TENM2: variants seen among roughly 807,000 people sequenced by gnomAD.
The protein encoded by TENM2 is teneurin-2.
A neutral mutation model predicts 245.2 loss-of-function variants in TENM2; 52 were observed. That is an observed-to-expected ratio of 0.21 (90% CI 0.17 to 0.27). The LOEUF is 0.27. Ranked by LOEUF, TENM2 falls within the 10% of genes least tolerant of loss-of-function variation. The pLI is 1.00. For synonymous variants in TENM2, 1,363 were observed against 1,438.9 expected (o/e 0.95, Z 1.19); for missense variants, 3,046 against 3,666.8 (o/e 0.83, Z 4.37).
At chr5:167,541,490 T>C (rs1198058487) in intron 2 of TENM2, among the ~76,000 whole-genome samples, 1 of 152,158 alleles carries the variant, frequency 6.6e-6, no homozygotes, top group East Asian at 1.9e-4. Context: ...TTCTACAAGC[T>C]GAAAAATCTC....
chr5:168,152,892 G>C (rs751620976), intron 12 of TENM2, among the ~76,000 whole-genome samples: 28 of 152,128 alleles, frequency 1.8e-4, no homozygotes, highest in Non-Finnish European at 3.4e-4. Context: ...GGTTTTGAAC[G>C]CTGGGCTGCA....
At chr5:167,093,547 C>T in the TENM2 span, among the ~76,000 whole-genome samples, 1 of 152,142 alleles carries the variant, frequency 6.6e-6, no homozygotes, top group Non-Finnish European at 1.5e-5. Context: ...TTGGGCTAGT[C>T]GCGACAGCAT....
intron 2 of TENM2, among the ~76,000 whole-genome samples, chr5:167,415,908 G>A (rs1363234219): frequency 6.6e-6 from 1 of 152,098 alleles, no homozygotes; most frequent in African/African-American, 2.4e-5. Context: ...GGCTGGATCA[G>A]TACAGTGAGA....
intron 2 of TENM2, among the ~76,000 whole-genome samples, chr5:167,705,660 T>G (rs889427717): frequency 6.6e-6 from 1 of 152,146 alleles, no homozygotes; most frequent in Non-Finnish European, 1.5e-5. Context: ...GTGCTCCCTC[T>G]GCTCCAAACT....
At chr5:167,336,376 A>C (rs2127801360) in intron 1 of TENM2, among the ~76,000 whole-genome samples, 1 of 151,204 alleles carries the variant, frequency 6.6e-6, no homozygotes, top group South Asian at 2.1e-4. Context: ...GAGGATAAAA[A>C]GGCATCTCTG....
the TENM2 span, among the ~76,000 whole-genome samples, chr5:167,192,305 G>A: frequency 0.014 from 2,199 of 152,078 alleles, 57 homozygotes; most frequent in African/African-American, 0.049. Flanking sequence ...CTCGATTTAC[G>A]TGTGAAGAAA....
chr5:167,099,143 A>G, the TENM2 span, among the ~76,000 whole-genome samples: 1 of 152,232 alleles, frequency 6.6e-6, no homozygotes, highest in Non-Finnish European at 1.5e-5. Flanking sequence ...ACCGCTTACT[A>G]GCTGTGTAAC....
chr5:168,119,975 A>G (rs1400831126), intron 10 of TENM2, among the ~76,000 whole-genome samples: 1 of 152,180 alleles, frequency 6.6e-6, no homozygotes, highest in East Asian at 1.9e-4. Context: ...CTTTCATCCC[A>G]ACAACCAATG....
At chr5:167,298,135 C>A (rs886928070) in intron 1 of TENM2, among the ~76,000 whole-genome samples, 1 of 151,910 alleles carries the variant, frequency 6.6e-6, no homozygotes, top group East Asian at 1.9e-4. Flanking sequence ...AGATAATGGG[C>A]GACGTTTCTC....
intron 5 of TENM2, among the ~76,000 whole-genome samples, chr5:167,997,063 A>G (rs1201988318): frequency 6.6e-6 from 1 of 152,138 alleles, no homozygotes; most frequent in Non-Finnish European, 1.5e-5. Context: ...TTATACAACT[A>G]TTCAATTTGA....
intron 2 of TENM2, among the ~76,000 whole-genome samples, chr5:167,440,423 T>C (rs182665123): frequency 7.2e-5 from 11 of 152,166 alleles, no homozygotes; most frequent in Admixed American, 2.0e-4. Context: ...AAAAGGATTA[T>C]GAAGCATAAT....
At chr5:167,864,506 G>T (rs984169097) in intron 2 of TENM2, among the ~76,000 whole-genome samples, 2 of 152,176 alleles carry the variant, frequency 1.3e-5, no homozygotes, top group African/African-American at 4.8e-5. Flanking sequence ...TTACCTAGTA[G>T]TTGAACACAG....
chr5:167,160,612 C>G, the TENM2 span, among the ~76,000 whole-genome samples: 1 of 152,248 alleles, frequency 6.6e-6, no homozygotes, highest in African/African-American at 2.4e-5. Flanking sequence ...GCTTAATTGT[C>G]ACTTCCTCAG....
At chr5:167,520,684 G>A (rs866116172) in intron 2 of TENM2, among the ~76,000 whole-genome samples, 4 of 152,156 alleles carry the variant, frequency 2.6e-5, no homozygotes, top group Middle Eastern at 6.8e-3. Flanking sequence ...TGTGAAGTGT[G>A]TGGCTTGCCT....
chr5:167,144,864 T>G, the TENM2 span, among the ~76,000 whole-genome samples: 1 of 152,310 alleles, frequency 6.6e-6, no homozygotes, highest in African/African-American at 2.4e-5. Flanking sequence ...CTCTTATAGT[T>G]CTGGAGGTTA....
At chr5:167,649,247 G>A (rs557915077) in intron 2 of TENM2, among the ~76,000 whole-genome samples, 1 of 152,198 alleles carries the variant, frequency 6.6e-6, no homozygotes, top group South Asian at 2.1e-4. Context: ...TTAAATTAGT[G>A]GGCTAGAAGT....
intron 2 of TENM2, among the ~76,000 whole-genome samples, chr5:167,864,922 A>G (rs538815956): frequency 1.3e-5 from 2 of 152,356 alleles, no homozygotes; most frequent in Admixed American, 6.5e-5. Flanking sequence ...CAAGAAGTGA[A>G]CATAAAAATG....
chr5:168,091,419 C>T (rs1281960898), intron 8 of TENM2, among the ~76,000 whole-genome samples: 1 of 152,152 alleles, frequency 6.6e-6, no homozygotes, highest in Non-Finnish European at 1.5e-5. Flanking sequence ...CCAAAATGTC[C>T]TTATACATGC....
chr5:167,759,113 C>T (rs1762495600), intron 2 of TENM2, among the ~76,000 whole-genome samples: 1 of 149,080 alleles, frequency 6.7e-6, no homozygotes, highest in African/African-American at 2.5e-5. Flanking sequence ...GATTACTTAA[C>T]TAGCAAGTTG....
Sources: gnomAD v4.1 joint callset for allele counts (sites outside exome capture counted in the v4.1 genomes callset) on GRCh38, gnomAD v4.1.1 for gene constraint, MANE v1.5 for transcripts, NCBI Gene and HGNC (gene_info 2026-07-23, HGNC 2026-07-21) for gene names.